Variants in NRAP observed in about 807,000 individuals in gnomAD.
The protein encoded by NRAP is nebulin-related-anchoring protein.
A neutral mutation model predicts 225.9 loss-of-function variants in NRAP; 189 were observed. The ratio of observed to expected loss-of-function variants is 0.84; its 90% CI spans 0.74 to 0.94. The LOEUF is 0.94. Among genes scored for constraint, NRAP ranks in the 40% least tolerant of loss-of-function variants. The pLI is 0.00. For synonymous variants in NRAP, 769 were observed against 790.7 expected, an observed-to-expected ratio of 0.97 and a Z score of 0.46; for missense variants, 2,176 against 2,168.7, an observed-to-expected ratio of 1.00 and a Z score of -0.07.
rs1376741979 is a variant in NRAP at position 113,614,260 on chromosome 10, G to C, written c.3223C>G (p.Gln1075Glu). Residue 1075 changes from glutamine (Q) to glutamate (E), a missense_variant, in exon 29 of 42, where the codon CAG (glutamine) becomes GAG (glutamate). Transcript: ENST00000359988. ...YKEAFEKMKG[Q>E]MLGSRSLEDD... ...TCCAAGCTCCGGGAACCAAGCATCT[G>C]TCCTTTCATTTTCTCAAATGCCTCT... 3.7e-6 allele frequency: 6 copies of C among 1,613,986 alleles called. No individual in the cohort carries two copies. In the Admixed American group the frequency reaches 8.3e-5, roughly 22 times the overall value.
At position 113,654,240 on chromosome 10, in the gene NRAP, C is replaced by T. The variant is rs558208899; in HGVS notation, c.361-115G>A. The T allele has an allele frequency of 1.2e-5, 8 of 657,242 alleles. No homozygotes were observed. In the Admixed American group the frequency reaches 1.7e-4, roughly 14 times the overall value. The allele number at this position is 657,242 out of a possible 1,614,324, so 40.7% of individuals were successfully genotyped here. Reference sequence around the variant, plus strand: ...CATTATAAACTCCTATTGGTAAATCCTGGGTCTCAGCTAACTGAAATGTTC... The same window carrying T: ...CATTATAAACTCCTATTGGTAAATCTTGGGTCTCAGCTAACTGAAATGTTC... On this transcript the variant is annotated intron_variant, in intron 4 of 41. Transcript: ENST00000359988.
In NRAP at chr10:113,631,532, G is replaced by A. The variant is rs1341947365; in HGVS notation, c.1819C>T (p.Gln607Ter). 2.5e-6 allele frequency: 4 copies of A among 1,609,654 alleles called. No homozygotes were observed. The highest frequency in any genetic ancestry group is 4.5e-5 in the East Asian group (2 of 44,820). The change falls in exon 18 of 42, where the codon CAG (glutamine) becomes TAG (stop). Residue 607 changes from glutamine to a stop codon, truncating the protein, a stop_gained. Coordinates refer to ENST00000359988, the MANE Select transcript of NRAP (RefSeq NM_198060.4). LOFTEE classifies it high-confidence loss of function. Reference sequence around the variant, plus strand: ...ACCTCACTGCTCATCTTAGCAATCTGCAGGGAGTGCAGAAGCCTAGAGTCG... The same window carrying A: ...ACCTCACTGCTCATCTTAGCAATCTACAGGGAGTGCAGAAGCCTAGAGTCG... ...TADSRLLHSL[Q>*]IAKMSSEVEY...
At chr10:113,649,317 C>G (rs1319481888) in intron 9 of NRAP, among the ~76,000 whole-genome samples, 1 of 152,188 alleles carries the variant, frequency 6.6e-6, no homozygotes, top group Non-Finnish European at 1.5e-5. Flanking sequence ...ATAATTCAAA[C>G]AACTGTCCAA....
At chr10:113,597,896 T>C in intron 36 of NRAP, 73 bp downstream of exon 36, 1 of 1,132,690 alleles carries the variant, frequency 8.8e-7, no homozygotes, top group South Asian at 1.2e-5. Context: ...CTCCACTCCA[T>C]AAACAGATTC....
rs770230689 is a variant in NRAP, at chr10:113,589,732, T to C, written c.5022A>G (p.Lys1674=). 16 of 1,614,034 alleles carry C rather than the reference T, an allele frequency of 9.9e-6. No individual in the cohort carries two copies. The highest frequency in any genetic ancestry group is 1.4e-5 in the Non-Finnish European group (16 of 1,180,042). ...GVGWTPPGSY[K]VEMARRAAEL... The stretch of plus-strand genomic sequence containing the variant: ...CCGCAGCCCGCCGAGCCATTTCCAC[T>C]TTGTAGGAGCCAGGAGGGGTCCAGC... The change falls in exon 41 of 42, where the codon AAA becomes AAG. Residue 1674 remains lysine, a synonymous_variant. Transcript: ENST00000359988.
chr10:113,612,658 G>A (rs914471632), intron 29 of NRAP, among the ~76,000 whole-genome samples: 5 of 152,158 alleles, frequency 3.3e-5, no homozygotes, highest in Non-Finnish European at 5.9e-5. Context: ...GGATGAAGAA[G>A]GCCCATGGTT....
chr10:113,597,706 T>C (rs879815789), intron 36 of NRAP, among the ~76,000 whole-genome samples: 5 of 152,184 alleles, frequency 3.3e-5, no homozygotes, highest in Admixed American at 2.0e-4. Context: ...ATACAAAGAA[T>C]GGGCCAGTTT....
chr10:113,652,958 T>C lies in NRAP; in HGVS notation c.547A>G (p.Lys183Glu), dbSNP rs746187997. 2 of 1,612,994 alleles carry C rather than the reference T, an allele frequency of 1.2e-6. No homozygotes were observed. The highest frequency in any genetic ancestry group is 3.4e-5 in the Admixed American group (2 of 59,660). Residue 183 changes from lysine to glutamate, a missense_variant, in exon 6 of 42, where the codon AAA becomes GAA. Physicochemically the swap from Lys to Glu is moderately conservative, Grantham distance 56. Coordinates refer to ENST00000359988, the MANE Select transcript of NRAP (RefSeq NM_198060.4). ...ACTTGGCTGGCCAGCTGGTTGGCTT[T>C]CTTGGCCCTTTGATAAGCAGGTGTG... ...MITPAYQRAK[K>E]ANQLASQVEY...
chr10:113,589,528 C>A (rs77529465), intron 41 of NRAP, 138 bp downstream of exon 41: 3 of 993,834 alleles, frequency 3.0e-6, no homozygotes, highest in East Asian at 2.4e-5. Context: ...TGAAATTAGG[C>A]GCCTTGTTTG....
intron 35 of NRAP, among the ~76,000 whole-genome samples, chr10:113,600,152 A>G (rs1846509307): frequency 1.1e-5 from 1 of 88,160 alleles, no homozygotes; most frequent in South Asian, 4.4e-4. Context: ...AGAAGGGGTT[A>G]TATTCTCTCT....
rs980677635 is a variant in NRAP, at chr10:113,613,849, A to C, written c.3300+334T>G. On this transcript the variant is annotated intron_variant, in intron 29 of 41. Transcript: ENST00000359988. Reference sequence around the variant, plus strand: ...TATATAAAATTTTCCATTTTTAAAAATTTGCAATTAATCCACTCTGCAGAC... The same window carrying C: ...TATATAAAATTTTCCATTTTTAAAACTTTGCAATTAATCCACTCTGCAGAC... 2.0e-5 allele frequency among the ~76,000 whole-genome samples: 3 copies of C among 152,106 alleles called. No individual in the cohort carries two copies. The South Asian group carries it at 6.2e-4, about 32-fold the overall frequency.
intron 14 of NRAP, among the ~76,000 whole-genome samples, chr10:113,634,728 T>C (rs1170067739): frequency 2.0e-5 from 3 of 152,084 alleles, no homozygotes; most frequent in African/African-American, 7.2e-5. Context: ...ATGCCTGAGG[T>C]CATTTTATAA....
At chr10:113,605,019 G>C (rs542332125) in intron 34 of NRAP, 99 bp from the exon 35 acceptor site, 65 of 1,348,382 alleles carry the variant, frequency 4.8e-5, no homozygotes, top group African/African-American at 2.9e-4. Context: ...ATGATTATAA[G>C]AAAAACCACA....
intron 11 of NRAP, among the ~76,000 whole-genome samples, chr10:113,645,504 G>A (rs182799689): frequency 5.2e-4 from 79 of 152,196 alleles, no homozygotes; most frequent in Non-Finnish European, 1.0e-3. Context: ...CGCGACCTCC[G>A]CCTCCCGAGT....
intron 28 of NRAP, among the ~76,000 whole-genome samples, chr10:113,614,518 GC>G (rs1847528261): frequency 6.6e-6 from 1 of 152,206 alleles, no homozygotes; most frequent in Admixed American, 6.5e-5. Context: ...CACGTGGGCG[GC>G]CCCGCACTGG....
rs556650136 is a variant in NRAP, at chr10:113,590,845, G to T, written c.4689C>A (p.Ile1563=). 1.2e-6 allele frequency: 2 copies of T among 1,614,168 alleles called. No homozygotes were observed. The highest frequency in any genetic ancestry group is 2.2e-5 in the East Asian group (1 of 44,884). The change falls in exon 40 of 42, where the codon ATC becomes ATA. Residue 1563 remains isoleucine, a synonymous_variant. Coordinates refer to ENST00000359988, the MANE Select transcript of NRAP (RefSeq NM_198060.4). ...EAFLRDRGLQ[I]GYRSVDDDPR... ...GGTCATCGTCGACACTGCGGTACCC[G>T]ATCTGCAGGCCTCGGTCCCGCAGGA...
At chr10:113,626,402 C>A (rs1848296459) in intron 20 of NRAP, among the ~76,000 whole-genome samples, 1 of 152,134 alleles carries the variant, frequency 6.6e-6, no homozygotes, top group African/African-American at 2.4e-5. Context: ...ACCGTGTGCC[C>A]TGGGGAGGTA....
chr10:113,623,434 G>A (rs911240957), intron 23 of NRAP, 95 bp downstream of exon 23: 1 of 692,804 alleles, frequency 1.4e-6, no homozygotes, highest in Middle Eastern at 4.2e-4. Context: ...CTGAGATTCA[G>A]AGAGATTAAG....
At chr10:113,656,098 T>C (rs1189992768) in intron 4 of NRAP, among the ~76,000 whole-genome samples, 2 of 152,102 alleles carry the variant, frequency 1.3e-5, no homozygotes, top group Admixed American at 6.6e-5. Context: ...CGACCAGCAT[T>C]AACACCAACA....
Sources: allele counts gnomAD v4.1 joint callset (sites outside exome capture counted in the v4.1 genomes callset), GRCh38; gene constraint gnomAD v4.1.1; transcripts MANE v1.5; gene names NCBI Gene and HGNC (gene_info 2026-07-23, HGNC 2026-07-21).